Variants in POF1B observed in about 807,000 individuals in gnomAD.
The protein encoded by POF1B is POF1B actin binding protein.
A neutral mutation model predicts 55.3 loss-of-function variants in POF1B; 53 were observed. The ratio of observed to expected loss-of-function variants is 0.96; its 90% CI spans 0.77 to 1.20. The LOEUF (loss-of-function observed/expected upper bound fraction) is 1.20, where lower values mean the gene tolerates loss of function less well. Ranked by LOEUF, POF1B falls within the 50% of genes most tolerant of loss-of-function variation. The pLI, the probability that POF1B is intolerant of heterozygous loss-of-function variation, is 0.00. For missense variants in POF1B, 478 were observed against 420.5 expected (o/e 1.14, Z -1.20); for synonymous variants, 188 against 148.3 (o/e 1.27, Z -1.95).
intron 2 of POF1B, among the ~76,000 whole-genome samples, chrX:85,372,773 C>CTATATATATATATATATATATATA (rs200507402): frequency 1.4e-4 from 14 of 96,745 alleles, no homozygotes; most frequent in African/African-American, 5.3e-4. Flanking sequence ...ATTATATATA[C>CTATATATATATATATATATATATA]TATATATATA....
intron 8 of POF1B, 29 bp downstream of exon 8, chrX:85,315,678 A>G: frequency 9.0e-7 from 1 of 1,116,705 alleles, no homozygotes; most frequent in Middle Eastern, 2.5e-4. Context: ...ATTATACTAT[A>G]TTCGATTTTC....
chrX:85,357,035 C>A (rs1378898131), intron 4 of POF1B, among the ~76,000 whole-genome samples: 1 of 111,330 alleles, frequency 9.0e-6, no homozygotes, highest in African/African-American at 3.3e-5. Flanking sequence ...TTCTTTACTA[C>A]GTTGCTTACA....
chrX:85,321,981 G>A (rs1242810695), intron 7 of POF1B, among the ~76,000 whole-genome samples: 1 of 109,391 alleles, frequency 9.1e-6, no homozygotes, highest in African/African-American at 3.3e-5. Flanking sequence ...ATGTTCATGG[G>A]TAGGAAGAAT....
chrX:85,351,403 T>G lies in POF1B; in HGVS notation c.487A>C (p.Asn163His), dbSNP rs1471071629. 1.9e-5 allele frequency: 23 copies of G among 1,198,625 alleles called. No homozygotes were observed. Among genetic ancestry groups the G allele is most frequent in the African/African-American group, 3.5e-5 (2 of 56,741 alleles). ...LRGSHFFPGN[N>H]VIYEKTIRKV... ...CTTATTGTTTTTTCATAAATAACAT[T>G]GTTTCCTGGGAAGAAATGGCTTCCT... The change falls in exon 5 of 17, where the codon AAT becomes CAT. Residue 163 changes from asparagine to histidine, a missense_variant. Physicochemically the swap from Asn to His is moderately conservative, Grantham distance 68 (BLOSUM62 1). Coordinates refer to ENST00000262753, the MANE Select transcript of POF1B (RefSeq NM_024921.4).
At chrX:85,316,924 G>A (rs1932792582) in intron 7 of POF1B, among the ~76,000 whole-genome samples, 2 of 110,371 alleles carry the variant, frequency 1.8e-5, no homozygotes, top group South Asian at 7.9e-4. Flanking sequence ...CCTTCTTTGT[G>A]TCTATATGTA....
intron 3 of POF1B, among the ~76,000 whole-genome samples, chrX:85,362,168 A>G (rs1258119319): frequency 9.0e-6 from 1 of 111,150 alleles, no homozygotes; most frequent in Non-Finnish European, 1.9e-5. Context: ...GTTTCTAGAT[A>G]TAGAATCATG....
At chrX:85,288,189 A>G (rs1330413630) in intron 15 of POF1B, among the ~76,000 whole-genome samples, 8 of 111,642 alleles carry the variant, frequency 7.2e-5, no homozygotes. Context: ...TGTTAAGAAC[A>G]TTGAAAGTCT....
intron 9 of POF1B, among the ~76,000 whole-genome samples, chrX:85,312,122 G>A (rs942673719): frequency 8.9e-6 from 1 of 111,852 alleles, no homozygotes; most frequent in Admixed American, 9.5e-5. Context: ...CCATTCTGTA[G>A]GGTGCCTGTT....
intron 2 of POF1B, among the ~76,000 whole-genome samples, chrX:85,369,377 A>T (rs1169267171): frequency 1.8e-5 from 2 of 111,347 alleles, no homozygotes; most frequent in Non-Finnish European, 3.8e-5. Context: ...GTTATGGAAT[A>T]ACACATGAAC....
intron 3 of POF1B, among the ~76,000 whole-genome samples, chrX:85,364,071 C>T (rs1933674088): frequency 1.8e-5 from 2 of 111,307 alleles, no homozygotes; most frequent in Non-Finnish European, 3.8e-5. Flanking sequence ...GCAACCCATG[C>T]TTTTTTCTTT....
At chrX:85,370,292 T>C (rs919722483) in intron 2 of POF1B, among the ~76,000 whole-genome samples, 1 of 111,973 alleles carries the variant, frequency 8.9e-6, no homozygotes, top group Admixed American at 9.5e-5. Flanking sequence ...AATCTTCTTA[T>C]ATGTGGAAAG....
At chrX:85,325,835 C>T (rs1603048596) in intron 7 of POF1B, among the ~76,000 whole-genome samples, 1 of 111,239 alleles carries the variant, frequency 9.0e-6, no homozygotes, top group Admixed American at 9.5e-5. Context: ...AGTTGCTGAC[C>T]TTTGGTTGGT....
intron 4 of POF1B, among the ~76,000 whole-genome samples, chrX:85,357,393 G>A (rs983848719): frequency 9.1e-6 from 1 of 110,257 alleles, no homozygotes; most frequent in Non-Finnish European, 1.9e-5. Flanking sequence ...CTCCTTTAGC[G>A]ACCATCCATC....
intron 15 of POF1B, among the ~76,000 whole-genome samples, chrX:85,295,421 T>A (rs974052905): frequency 3.6e-5 from 4 of 111,588 alleles, no homozygotes; most frequent in African/African-American, 1.3e-4. Context: ...ATATGTTATT[T>A]CTCTATTTTC....
chrX:85,283,658 C>T (rs1309639897), intron 15 of POF1B, among the ~76,000 whole-genome samples: 1 of 109,892 alleles, frequency 9.1e-6, no homozygotes, highest in African/African-American at 3.3e-5. Context: ...CAAATTATTT[C>T]CAAGCATGAT....
chrX:85,299,479 C>G (rs113325203), intron 15 of POF1B, among the ~76,000 whole-genome samples: 18,581 of 99,817 alleles, frequency 0.19, 2,148 homozygotes, highest in African/African-American at 0.36. Context: ...TAGTAGAGAC[C>G]GGGTTTCACC....
At chrX:85,362,879 CT>C (rs1300015642) in intron 3 of POF1B, among the ~76,000 whole-genome samples, 1 of 110,700 alleles carries the variant, frequency 9.0e-6, no homozygotes, top group Non-Finnish European at 1.9e-5. Context: ...TGGTCCTGGG[CT>C]TTTTTTGGTT....
chrX:85,353,051 C>T (rs1188994709), intron 4 of POF1B, among the ~76,000 whole-genome samples: 1 of 110,803 alleles, frequency 9.0e-6, no homozygotes, highest in Non-Finnish European at 1.9e-5. Context: ...GAGACAAATG[C>T]CTTTACACGT....
intron 15 of POF1B, among the ~76,000 whole-genome samples, chrX:85,293,971 C>CA (rs200802802): frequency 0.01 from 810 of 78,594 alleles, 5 homozygotes; most frequent in Middle Eastern, 0.029. Flanking sequence ...AAGACTCTGT[C>CA]AAAAAAAAAA....
Sources: allele counts gnomAD v4.1 joint callset (sites outside exome capture counted in the v4.1 genomes callset), GRCh38; gene constraint gnomAD v4.1.1; transcripts MANE v1.5; gene names NCBI Gene and HGNC (gene_info 2026-07-23, HGNC 2026-07-21).